CYP4F12: variants seen among roughly 807,000 people sequenced by gnomAD.
CYP4F12 encodes cytochrome P450 family 4 subfamily F member 12.
In CYP4F12, 60 loss-of-function variants were observed where a neutral mutation model predicts 56.5. The ratio of observed to expected loss-of-function variants is 1.06; its 90% CI spans 0.86 to 1.32. The LOEUF (loss-of-function observed/expected upper bound fraction) is 1.32, where lower values mean the gene tolerates loss of function less well. Ranked by LOEUF, CYP4F12 falls within the 40% of genes most tolerant of loss-of-function variation. The pLI, the probability that CYP4F12 is intolerant of heterozygous loss-of-function variation, is 0.00. For synonymous variants in CYP4F12, 263 were observed against 264.9 expected (o/e 0.99, Z 0.07); for missense variants, 711 against 683.5 (o/e 1.04, Z -0.45).
chr19:15,693,667 T>G (rs1383681833), intron 9 of CYP4F12, among the ~76,000 whole-genome samples: 1 of 150,980 alleles, frequency 6.6e-6, no homozygotes, highest in Non-Finnish European at 1.5e-5. Flanking sequence ...TAGTTTCTTT[T>G]GCTGTGCAGA....
chr19:15,696,688 C>A (rs1233983425), intron 12 of CYP4F12, among the ~76,000 whole-genome samples, 176 bp downstream of exon 12: 1 of 152,180 alleles, frequency 6.6e-6, no homozygotes, highest in Admixed American at 6.5e-5. Flanking sequence ...GCGGAGTGCT[C>A]AAAATCCCCT....
intron 9 of CYP4F12, among the ~76,000 whole-genome samples, chr19:15,686,206 T>A (rs2144741216): frequency 6.6e-6 from 1 of 152,292 alleles, no homozygotes; most frequent in Non-Finnish European, 1.5e-5. Context: ...TGATACCAAG[T>A]ACCGAGGAGG....
At chr19:15,680,669 G>C (rs1444120326) in intron 5 of CYP4F12, 150 bp downstream of exon 5, 1 of 1,004,224 alleles carries the variant, frequency 1.0e-6, no homozygotes, top group East Asian at 2.6e-5. Flanking sequence ...AAATGGGGAT[G>C]ATAATCCCTA....
At chr19:15,696,712 G>A (rs955643471) in intron 12 of CYP4F12, among the ~76,000 whole-genome samples, 196 bp from the exon 13 acceptor site, 1 of 152,180 alleles carries the variant, frequency 6.6e-6, no homozygotes, top group African/African-American at 2.4e-5. Flanking sequence ...CCATCTGCTG[G>A]TCTGAGCTGG....
Position 15,683,597 on chromosome 19 carries a change from A to G in CYP4F12, c.752A>G (p.His251Arg), listed in dbSNP as rs1291493399. Residue 251 changes from histidine (H) to arginine (R), a missense_variant, in exon 7 of 13, where the codon CAT becomes CGT. His to Arg is a conservative substitution (Grantham distance 29). Transcript: ENST00000550308. ...QHMDFLYYLSHDGRRFHRACR... is the reference protein window; with the variant it reads ...QHMDFLYYLSRDGRRFHRACR... ...ATGGACTTTCTGTATTACCTCTCCC[A>G]TGACGGGCGGCGCTTCCACAGGGCC... 1 of 1,614,178 alleles carries G rather than the reference A, an allele frequency of 6.2e-7. No homozygotes were observed. The highest frequency in any genetic ancestry group is 2.2e-5 in the East Asian group (1 of 44,884).
intron 2 of CYP4F12, among the ~76,000 whole-genome samples, chr19:15,677,689 TC>T (rs2007038308): frequency 1.4e-5 from 1 of 70,320 alleles, no homozygotes; most frequent in African/African-American, 5.4e-5. Flanking sequence ...CACTCATTCC[TC>T]TCCTCCCTCA....
At chr19:15,693,682 C>T (rs1022037437) in intron 9 of CYP4F12, among the ~76,000 whole-genome samples, 11 of 150,902 alleles carry the variant, frequency 7.3e-5, no homozygotes, top group Non-Finnish European at 1.0e-4. Context: ...TGCAGAAGCT[C>T]TTTAGTTTAA....
Position 15,685,151 on chromosome 19 carries a change from G to C in CYP4F12, c.1069G>C (p.Glu357Gln). 6.2e-7 allele frequency: 1 copy of C among 1,614,136 alleles called. No homozygotes were observed. ...HPEYQERCRQ[E>Q]VQELLKDRDP... ...AGAATACCAGGAGCGCTGCCGACAGGAGGTGCAAGAGCTTCTGAAGGACCG... is the reference window on the plus strand; with the variant it reads ...AGAATACCAGGAGCGCTGCCGACAGCAGGTGCAAGAGCTTCTGAAGGACCG... The change falls in exon 9 of 13, where the codon GAG (glutamate) becomes CAG (glutamine). Residue 357 changes from glutamate to glutamine, a missense_variant. Physicochemically the swap from Glu to Gln is conservative, Grantham distance 29. Coordinates refer to ENST00000550308, the MANE Select transcript of CYP4F12 (RefSeq NM_023944.4).
intron 3 of CYP4F12, among the ~76,000 whole-genome samples, chr19:15,679,859 A>G (rs1000280461): frequency 6.6e-6 from 1 of 152,220 alleles, no homozygotes; most frequent in African/African-American, 2.4e-5. Flanking sequence ...TGTGGGGTAC[A>G]CAGAGGTCAT....
In CYP4F12 at chr19:15,683,605, C is replaced by A. The variant is rs61731190; in HGVS notation, c.760C>A (p.Arg254=). Residue 254 remains arginine, a synonymous_variant, in exon 7 of 13, where the codon CGG becomes AGG. Coordinates refer to ENST00000550308, the MANE Select transcript of CYP4F12 (RefSeq NM_023944.4). ...TCTGTATTACCTCTCCCATGACGGG[C>A]GGCGCTTCCACAGGGCCTGCCGCCT... ...DFLYYLSHDG[R]RFHRACRLVH... 6.2e-7 allele frequency: 1 copy of A among 1,614,126 alleles called. No individual in the cohort carries two copies. The highest frequency in any genetic ancestry group is 1.7e-5 in the Admixed American group (1 of 60,018).
chr19:15,682,448 C>G lies in CYP4F12; in HGVS notation c.585C>G (p.Ile195Met). 6.2e-7 allele frequency: 1 copy of G among 1,613,980 alleles called. No individual in the cohort carries two copies. Among genetic ancestry groups the G allele is most frequent in the Non-Finnish European group, 8.5e-7 (1 of 1,179,854 alleles). Residue 195 changes from isoleucine to methionine, a missense_variant, in exon 6 of 13, where the codon ATC becomes ATG. By Grantham distance (10) the Ile-to-Met change is conservative (BLOSUM62 1). Coordinates refer to ENST00000550308, the MANE Select transcript of CYP4F12 (RefSeq NM_023944.4). ...GTCGTCTGGACATGTTTGAGCACATCAGCCTCATGACCTTGGACAGTCTAC... is the reference window on the plus strand; with the variant it reads ...GTCGTCTGGACATGTTTGAGCACATGAGCCTCATGACCTTGGACAGTCTAC... ...GSSRLDMFEH[I>M]SLMTLDSLQK... is the part of the protein sequence containing the mutation.
Position 15,684,977 on chromosome 19 carries a change from T to C in CYP4F12, c.986-91T>C, listed in dbSNP as rs531938759. 5.1e-6 allele frequency: 8 copies of C among 1,569,588 alleles called. No individual in the cohort carries two copies. The African/African-American group carries it at 1.1e-4, about 21-fold the overall frequency. On this transcript the variant is annotated intron_variant, in intron 8 of 12. Coordinates refer to ENST00000550308, the MANE Select transcript of CYP4F12 (RefSeq NM_023944.4). ...CCTGGATCACTCCATTCTGCCCATCTTCCCCCTCCCTCCATCCTCCTGAGG... is the reference window on the plus strand; with the variant it reads ...CCTGGATCACTCCATTCTGCCCATCCTCCCCCTCCCTCCATCCTCCTGAGG...
chr19:15,674,623 T>C (rs1326936993), intron 2 of CYP4F12, among the ~76,000 whole-genome samples: 1 of 68,636 alleles, frequency 1.5e-5, no homozygotes, highest in Non-Finnish European at 3.2e-5. Context: ...ATTCACTTAT[T>C]CCTCTATCCA....
chr19:15,685,146 G>T lies in CYP4F12; in HGVS notation c.1064G>T (p.Arg355Leu). 1 of 1,614,160 alleles carries T rather than the reference G, an allele frequency of 6.2e-7. No individual in the cohort carries two copies. The highest frequency in any genetic ancestry group is 8.5e-7 in the Non-Finnish European group (1 of 1,180,010). Residue 355 changes from arginine (R) to leucine (L), a missense_variant, in exon 9 of 13, where the codon CGA becomes CTA. Transcript: ENST00000550308. ...CACCCAGAATACCAGGAGCGCTGCC[G>T]ACAGGAGGTGCAAGAGCTTCTGAAG... is the stretch of plus-strand genomic sequence containing the variant. ...ARHPEYQERC[R>L]QEVQELLKDR...
chr19:15,678,736 G>A (rs578224446), intron 3 of CYP4F12, among the ~76,000 whole-genome samples: 48 of 152,332 alleles, frequency 3.2e-4, no homozygotes, highest in Non-Finnish European at 6.2e-4. Flanking sequence ...GGGCAGGCTG[G>A]AATGTTTCCT....
intron 9 of CYP4F12, among the ~76,000 whole-genome samples, chr19:15,688,037 C>G (rs1192084519): frequency 6.6e-6 from 1 of 152,110 alleles, no homozygotes; most frequent in Non-Finnish European, 1.5e-5. Flanking sequence ...GGGTGCCTGG[C>G]CTTGGACAGG....
Position 15,694,713 on chromosome 19 carries a change from C to T in CYP4F12, c.1116-1223C>T, listed in dbSNP as rs183650733. On this transcript the variant is annotated intron_variant, in intron 9 of 12. Transcript: ENST00000550308. ...TCCTGCCTAATTGCCCTGGCCAGAA[C>T]TTCCAACACTTTATGCAGCCAAAAA... is the stretch of plus-strand genomic sequence containing the variant. Among the ~76,000 whole-genome samples, 353 of 152,336 alleles carry T rather than the reference C, an allele frequency of 2.3e-3. 2 individuals carry two copies. Among genetic ancestry groups the T allele is most frequent in the Non-Finnish European group, 4.0e-3 (270 of 68,030 alleles).
intron 9 of CYP4F12, among the ~76,000 whole-genome samples, chr19:15,690,471 C>G (rs139534482): frequency 3.5e-4 from 53 of 152,254 alleles, no homozygotes; most frequent in African/African-American, 1.2e-3. Flanking sequence ...CAATGTCTTT[C>G]CATTCTTTCT....
At chr19:15,684,992 T>C in intron 8 of CYP4F12, 76 bp from the exon 9 acceptor site, 1 of 1,576,720 alleles carries the variant, frequency 6.3e-7, no homozygotes, top group Non-Finnish European at 8.6e-7. Context: ...CCTCCCTCCA[T>C]CCTCCTGAGG....
Sources: allele counts gnomAD v4.1 joint callset (sites outside exome capture counted in the v4.1 genomes callset), GRCh38; gene constraint gnomAD v4.1.1; transcripts MANE v1.5; gene names NCBI Gene and HGNC (gene_info 2026-07-23, HGNC 2026-07-21).